The following SH2D4A variants were observed in gnomAD, a reference collection of about 807,000 sequenced individuals.
SH2D4A encodes the protein SH2 domain containing 4A, also known as SH2 domain-containing protein 4A.
Under a neutral mutation model 64.7 loss-of-function variants are expected in SH2D4A, and 70 were observed. The observed-to-expected ratio is 1.08, with a 90% confidence interval of 0.89 to 1.32. The LOEUF is 1.32. SH2D4A is among the 40% of genes most tolerant of loss of function. The pLI, the probability that SH2D4A is intolerant of heterozygous loss-of-function variation, is 0.00. For synonymous variants in SH2D4A, 268 were observed against 200.7 expected (o/e 1.34, Z -2.83); for missense variants, 706 against 540.1 (o/e 1.31, Z -3.04).
rs7839713 is a variant in SH2D4A at position 19,337,393 on chromosome 8, C to A, written c.513+2536C>A. On this transcript the variant is annotated intron_variant, in intron 4 of 9. Coordinates refer to ENST00000265807, the MANE Select transcript of SH2D4A (RefSeq NM_022071.4). ...ATATTTATCCCCCGAAATTTATGTCCACCTAGAACCTCAGAATGTGAGCTT... is the reference window on the plus strand; with the variant it reads ...ATATTTATCCCCCGAAATTTATGTCAACCTAGAACCTCAGAATGTGAGCTT... Among the ~76,000 whole-genome samples the A allele has an allele frequency of 5.1e-3, 771 of 152,160 alleles. 4 individuals carry two copies. Among genetic ancestry groups the A allele is most frequent in the African/African-American group, 0.017 (724 of 41,490 alleles).
intron 7 of SH2D4A, among the ~76,000 whole-genome samples, chr8:19,368,317 C>T (rs2053035406): frequency 6.6e-6 from 1 of 152,148 alleles, no homozygotes; most frequent in African/African-American, 2.4e-5. Flanking sequence ...GTTCCTTATG[C>T]TACAAATTGT....
chr8:19,353,500 C>G (rs2052739676), intron 4 of SH2D4A, among the ~76,000 whole-genome samples: 1 of 151,536 alleles, frequency 6.6e-6, no homozygotes, highest in Non-Finnish European at 1.5e-5. Context: ...TCCTGAGTAG[C>G]TGGGACTCCA....
Position 19,332,944 on chromosome 8 carries a change from T to G in SH2D4A, c.182-11T>G, listed in dbSNP as rs753555409. 8.1e-6 allele frequency: 13 copies of G among 1,606,586 alleles called. No homozygotes were observed. In the South Asian group the frequency reaches 1.3e-4, roughly 17 times the overall value. On this transcript the variant is annotated splice_polypyrimidine_tract_variant and intron_variant, in intron 2 of 9. Coordinates refer to ENST00000265807, the MANE Select transcript of SH2D4A (RefSeq NM_022071.4). Reference sequence around the variant, plus strand: ...TCAATCTGAATTTTTTGTTTGTGTGTTTGTTTGCAGAGAATGGCAAATCGG... The same window carrying G: ...TCAATCTGAATTTTTTGTTTGTGTGGTTGTTTGCAGAGAATGGCAAATCGG...
intron 5 of SH2D4A, among the ~76,000 whole-genome samples, chr8:19,360,401 G>T (rs2052863063): frequency 6.6e-6 from 1 of 151,632 alleles, no homozygotes; most frequent in East Asian, 1.9e-4. Flanking sequence ...ATCACTTGAG[G>T]TCAGAAGTTC....
chr8:19,333,059 G>T lies in SH2D4A; in HGVS notation c.286G>T (p.Glu96Ter). 1.9e-6 allele frequency: 3 copies of T among 1,614,072 alleles called. No homozygotes were observed. The highest frequency in any genetic ancestry group is 8.5e-7 in the Non-Finnish European group (1 of 1,180,016). The change falls in exon 3 of 10, where the codon GAA becomes TAA. Residue 96 changes from glutamate to a stop codon, truncating the protein, a stop_gained. Coordinates refer to ENST00000265807, the MANE Select transcript of SH2D4A (RefSeq NM_022071.4). LOFTEE classifies it high-confidence loss of function. ...LDKPYDVLCN[E>*]IIAERARLKA... is the part of the protein sequence containing the mutation. ...TAAACCCTATGATGTGCTCTGTAAT[G>T]AAATTATTGCTGAGAGGGCCCGGCT...
At chr8:19,379,262 G>A (rs2053250281) in intron 8 of SH2D4A, among the ~76,000 whole-genome samples, 1 of 152,126 alleles carries the variant, frequency 6.6e-6, no homozygotes, top group South Asian at 2.1e-4. Flanking sequence ...AAGTAGAACT[G>A]TACAGTATTT....
chr8:19,387,751 ACT>A (rs1360942168), intron 8 of SH2D4A, among the ~76,000 whole-genome samples: 3 of 152,018 alleles, frequency 2.0e-5, no homozygotes, highest in African/African-American at 7.2e-5. Context: ...CAGTCACATG[ACT>A]CTGTCCTTCT....
chr8:19,368,675 G>C (rs530309414), intron 7 of SH2D4A, among the ~76,000 whole-genome samples: 7 of 98,558 alleles, frequency 7.1e-5, no homozygotes, highest in African/African-American at 2.6e-4. Flanking sequence ...ACTGATTTTT[G>C]TAAGTTTATT....
intron 4 of SH2D4A, among the ~76,000 whole-genome samples, chr8:19,350,062 C>T (rs1199642815): frequency 6.6e-6 from 1 of 152,198 alleles, no homozygotes; most frequent in Admixed American, 6.5e-5. Flanking sequence ...TCAGGACTTC[C>T]TGTATCAATC....
chr8:19,335,275 G>A (rs1041501013), intron 4 of SH2D4A, among the ~76,000 whole-genome samples: 1 of 151,624 alleles, frequency 6.6e-6, no homozygotes, highest in Admixed American at 6.6e-5. Flanking sequence ...CAGCCTGGGC[G>A]ACAGAGCGAG....
chr8:19,333,592 C>A (rs2052397490), intron 3 of SH2D4A, among the ~76,000 whole-genome samples: 2 of 152,144 alleles, frequency 1.3e-5, no homozygotes, highest in African/African-American at 4.8e-5. Flanking sequence ...GATAATCAGG[C>A]TCTTTAGGTG....
intron 1 of SH2D4A, among the ~76,000 whole-genome samples, chr8:19,315,727 G>A (rs181188526): frequency 6.6e-6 from 1 of 152,300 alleles, no homozygotes; most frequent in Admixed American, 6.5e-5. Context: ...TGCTGCCCTT[G>A]ATATAGTATG....
chr8:19,355,932 C>G (rs1267627015), intron 4 of SH2D4A, among the ~76,000 whole-genome samples: 1 of 152,082 alleles, frequency 6.6e-6, no homozygotes, highest in Non-Finnish European at 1.5e-5. Flanking sequence ...ATGCCATGGC[C>G]AAAAATACAA....
At chr8:19,361,950 A>G (rs2052897246) in intron 6 of SH2D4A, among the ~76,000 whole-genome samples, 1 of 152,208 alleles carries the variant, frequency 6.6e-6, no homozygotes, top group Non-Finnish European at 1.5e-5. Flanking sequence ...AGAATGGGTG[A>G]GAAAACTCAT....
intron 2 of SH2D4A, among the ~76,000 whole-genome samples, chr8:19,320,273 A>G (rs2052165662): frequency 1.3e-5 from 2 of 152,084 alleles, no homozygotes; most frequent in African/African-American, 4.8e-5. Context: ...TATCAAAGGA[A>G]TCTCTGGTAG....
chr8:19,378,676 T>C (rs1479505215), intron 8 of SH2D4A, among the ~76,000 whole-genome samples: 1 of 152,044 alleles, frequency 6.6e-6, no homozygotes, highest in East Asian at 1.9e-4. Context: ...CCTCAGGTGA[T>C]CCACCCTACT....
chr8:19,364,334 A>G lies in SH2D4A; in HGVS notation c.917+52A>G, dbSNP rs748455874. On this transcript the variant is annotated intron_variant, in intron 7 of 9. Coordinates refer to ENST00000265807, the MANE Select transcript of SH2D4A (RefSeq NM_022071.4). ...GCATAAACATTGCAATGGGCTTTGA[A>G]TAAGCGTTGAAATTAAAGGGGAATT... The G allele has an allele frequency of 1.3e-5, 20 of 1,591,366 alleles. No individual in the cohort carries two copies. The South Asian group carries it at 2.2e-4, about 18-fold the overall frequency.
intron 2 of SH2D4A, among the ~76,000 whole-genome samples, chr8:19,320,056 A>C (rs7017958): frequency 0.04 from 6,100 of 152,244 alleles, 420 homozygotes; most frequent in African/African-American, 0.14. Context: ...CTGGTTCCTA[A>C]TATGCTACTA....
At chr8:19,316,497 G>A (rs1342987547) in intron 1 of SH2D4A, among the ~76,000 whole-genome samples, 1 of 152,136 alleles carries the variant, frequency 6.6e-6, no homozygotes, top group Non-Finnish European at 1.5e-5. Flanking sequence ...GAATACGTGG[G>A]TAAGCAATGT....
Sources: allele counts gnomAD v4.1 joint callset (sites outside exome capture counted in the v4.1 genomes callset), GRCh38; gene constraint gnomAD v4.1.1; transcripts MANE v1.5; gene names NCBI Gene and HGNC (gene_info 2026-07-23, HGNC 2026-07-21).